The following BAIAP2 variants were observed in gnomAD, a reference collection of about 807,000 sequenced individuals.
The protein encoded by BAIAP2 is BAR/IMD domain containing adaptor protein 2.
A neutral mutation model predicts 63.0 loss-of-function variants in BAIAP2; 18 were observed. The observed-to-expected ratio is 0.29, with a 90% CI of 0.20 to 0.42. The LOEUF (loss-of-function observed/expected upper bound fraction) is 0.42. BAIAP2 is among the 10% of genes least tolerant of loss of function. The probability of loss-of-function intolerance (pLI) is 1.00; values close to 1 mark genes in which losing one functional copy is unlikely to be tolerated. For synonymous variants in BAIAP2, 386 were observed against 307.6 expected, an observed-to-expected ratio of 1.25 and a Z score of -2.67; for missense variants, 610 against 734.3, an observed-to-expected ratio of 0.83 and a Z score of 1.96.
At chr17:81,081,951 G>A (rs2054684651) in intron 3 of BAIAP2, among the ~76,000 whole-genome samples, 1 of 152,180 alleles carries the variant, frequency 6.6e-6, no homozygotes, top group African/African-American at 2.4e-5. Context: ...CCCTGGGCCA[G>A]GGCTGGGGCT....
At chr17:81,072,686 C>G (rs1453242324) in intron 3 of BAIAP2, among the ~76,000 whole-genome samples, 1 of 152,202 alleles carries the variant, frequency 6.6e-6, no homozygotes, top group Non-Finnish European at 1.5e-5. Context: ...GCCTCCCACT[C>G]TGAGCACAGG....
At chr17:81,084,273 C>T (rs1317696230) in intron 3 of BAIAP2, among the ~76,000 whole-genome samples, 1 of 152,152 alleles carries the variant, frequency 6.6e-6, no homozygotes, top group Non-Finnish European at 1.5e-5. Flanking sequence ...TCCTCTGGGG[C>T]TCAAAGCGGA....
At chr17:81,086,182 T>C (rs2055602174) in intron 5 of BAIAP2, among the ~76,000 whole-genome samples, 1 of 151,936 alleles carries the variant, frequency 6.6e-6, no homozygotes, top group Non-Finnish European at 1.5e-5. Context: ...CGGCCACTTT[T>C]TCCAAGTGTG....
At chr17:81,110,325 C>T (rs1394543952) in intron 13 of BAIAP2, 1 of 986,266 alleles carries the variant, frequency 1.0e-6, no homozygotes, top group Non-Finnish European at 1.2e-6. Context: ...CGTTCCCGCT[C>T]CGCTAAAGAT....
chr17:81,104,135 T>TG (rs1275988518), intron 9 of BAIAP2, 27 bp downstream of exon 9: 2 of 1,610,406 alleles, frequency 1.2e-6, no homozygotes, highest in African/African-American at 2.7e-5. Context: ...GGTGTTGGGC[T>TG]GGGGTCCCTG....
chr17:81,091,595 T>G (rs1282349751), intron 6 of BAIAP2, among the ~76,000 whole-genome samples: 1 of 152,174 alleles, frequency 6.6e-6, no homozygotes, highest in Non-Finnish European at 1.5e-5. Flanking sequence ...CTGAAGACCC[T>G]GAGAGAGGCA....
intron 3 of BAIAP2, among the ~76,000 whole-genome samples, chr17:81,074,311 GGTGT>G (rs1240072311): frequency 6.7e-6 from 1 of 149,554 alleles, no homozygotes; most frequent in Non-Finnish European, 1.5e-5. Context: ...TGTGAGTGCC[GGTGT>G]GTGTGCATGC....
At chr17:81,045,670 G>T (rs955266756) in intron 1 of BAIAP2, among the ~76,000 whole-genome samples, 7 of 152,154 alleles carry the variant, frequency 4.6e-5, no homozygotes, top group Admixed American at 2.6e-4. Flanking sequence ...CCCTCACGCT[G>T]ATCCCACCAT....
intron 1 of BAIAP2, among the ~76,000 whole-genome samples, chr17:81,044,429 C>T (rs922344779): frequency 3.9e-5 from 6 of 152,242 alleles, no homozygotes; most frequent in African/African-American, 1.4e-4. Context: ...TGGCTCGTCC[C>T]TATGTTATCT....
rs565792217 is a variant in BAIAP2 at position 81,099,531 on chromosome 17, G to A, written c.490-397G>A. Among the ~76,000 whole-genome samples, 33 of 152,258 alleles carry A rather than the reference G, an allele frequency of 2.2e-4. No homozygotes were observed. The South Asian group carries it at 6.6e-3, about 31-fold the overall frequency. ...GGGGAAGGACCAAGAAGCTGTCCTG[G>A]GGCCCATGGAGCTGGGGCGCATCCA... On this transcript the variant is annotated intron_variant, in intron 6 of 13. Transcript: ENST00000428708.
intron 3 of BAIAP2, among the ~76,000 whole-genome samples, chr17:81,062,306 GATTTT>G (rs2050695529): frequency 3.0e-5 from 3 of 101,020 alleles, no homozygotes; most frequent in Non-Finnish European, 6.8e-5. Flanking sequence ...TCAATGGACT[GATTTT>G]TTTTTTTTTT....
Position 81,084,717 on chromosome 17 carries a change from C to G in BAIAP2, c.218-115C>G, listed in dbSNP as rs915785790. 7.1e-6 allele frequency: 7 copies of G among 983,094 alleles called. No homozygotes were observed. The Admixed American group carries it at 8.6e-5, about 12-fold the overall frequency. 60.9% of individuals were successfully genotyped at this position (983,094 alleles called of 1,614,324 possible). A position where few individuals can be genotyped will look rare whatever the true frequency, so the allele number is the denominator to read the frequency against. On this transcript the variant is annotated intron_variant, in intron 3 of 13. Coordinates refer to ENST00000428708, the MANE Select transcript of BAIAP2 (RefSeq NM_001144888.2). ...CTTCTGGCCCTGACACCCCGGGGGC[C>G]CTGCTGCCTGTGGTCACAGGGCTTC... is the stretch of plus-strand genomic sequence containing the variant.
At chr17:81,112,888 CA>C (rs796419504) in intron 13 of BAIAP2, among the ~76,000 whole-genome samples, 7 of 146,522 alleles carry the variant, frequency 4.8e-5, no homozygotes, top group South Asian at 4.3e-4. Context: ...CCCATCTTGA[CA>C]AAAAAAAAAG....
intron 11 of BAIAP2, 74 bp from the exon 12 acceptor site, chr17:81,106,671 C>T (rs1447350365): frequency 2.5e-6 from 4 of 1,578,860 alleles, no homozygotes; most frequent in Non-Finnish European, 3.5e-6. Context: ...GCGGGCAGTC[C>T]AGGGAGCCAC....
At chr17:81,109,372 T>TAAAAAAAAAAAAAAAACA (rs2059601183) in intron 13 of BAIAP2, 1 of 757,186 alleles carries the variant, frequency 1.3e-6, no homozygotes, top group Non-Finnish European at 1.6e-6. Flanking sequence ...AGAAAAATCT[T>TAAAAAAAAAAAAAAAACA]AAAAAAAAAA....
chr17:81,108,262 C>T, intron 12 of BAIAP2: 1 of 601,310 alleles, frequency 1.7e-6, no homozygotes, highest in Middle Eastern at 3.0e-4. Flanking sequence ...AGGAGGTATC[C>T]CCTTTAATTT....
At chr17:81,037,582 C>G (rs1003818924) in intron 1 of BAIAP2, among the ~76,000 whole-genome samples, 1 of 152,158 alleles carries the variant, frequency 6.6e-6, no homozygotes, top group Admixed American at 6.5e-5. Flanking sequence ...ACTCCTGGGC[C>G]GGTCCAGCCG....
chr17:81,039,520 G>A (rs555528596), intron 1 of BAIAP2, among the ~76,000 whole-genome samples: 8 of 152,334 alleles, frequency 5.3e-5, no homozygotes, highest in South Asian at 2.1e-4. Flanking sequence ...TGTCCTGCCC[G>A]TGCCTGCTGT....
chr17:81,104,205 C>T, intron 9 of BAIAP2, 97 bp downstream of exon 9: 1 of 1,328,366 alleles, frequency 7.5e-7, no homozygotes, highest in Non-Finnish European at 1.1e-6. Flanking sequence ...CTGGGAGACC[C>T]TGAGGCTCAC....
Sources: allele counts gnomAD v4.1 joint callset (sites outside exome capture counted in the v4.1 genomes callset), GRCh38; gene constraint gnomAD v4.1.1; transcripts MANE v1.5; gene names NCBI Gene and HGNC (gene_info 2026-07-23, HGNC 2026-07-21).